The following FMN2 variants were observed in gnomAD, a reference collection of about 807,000 sequenced individuals.
FMN2 encodes formin 2.
In FMN2, 51 loss-of-function variants were observed where a neutral mutation model predicts 142.3. The observed-to-expected ratio is 0.36, with a 90% confidence interval of 0.29 to 0.45. The LOEUF (loss-of-function observed/expected upper bound fraction) is 0.45. Among genes scored for constraint, FMN2 ranks in the 20% least tolerant of loss-of-function variants. The pLI is 1.00. For synonymous variants in FMN2, 882 were observed against 869.8 expected, an observed-to-expected ratio of 1.01 and a Z score of -0.25; for missense variants, 1,936 against 2,122.8, an observed-to-expected ratio of 0.91 and a Z score of 1.73.
At chr1:240,135,511 C>T (rs1162151193) in intron 2 of FMN2, among the ~76,000 whole-genome samples, 1 of 151,946 alleles carries the variant, frequency 6.6e-6, no homozygotes, top group Non-Finnish European at 1.5e-5. Context: ...AAAAAATTGC[C>T]TCGTATGGGG....
intron 2 of FMN2, chr1:240,145,469 T>C (rs1416514224): frequency 6.6e-6 from 2 of 304,862 alleles, no homozygotes. Flanking sequence ...TCTTTAGTAT[T>C]GTATTTGACA....
intron 8 of FMN2, among the ~76,000 whole-genome samples, chr1:240,308,812 T>G (rs1670501154): frequency 6.6e-6 from 1 of 152,168 alleles, no homozygotes; most frequent in Admixed American, 6.5e-5. Context: ...GGGCTGGGTA[T>G]GGACTGTGAG....
intron 14 of FMN2, among the ~76,000 whole-genome samples, chr1:240,372,952 T>A (rs1291620665): frequency 6.6e-6 from 1 of 152,166 alleles, no homozygotes; most frequent in East Asian, 1.9e-4. Flanking sequence ...TCTGGGAGGC[T>A]GAGGCGGACA....
chr1:240,441,179 G>C lies in FMN2; in HGVS notation c.5060+2969G>C, dbSNP rs367607673. 9.9e-5 allele frequency among the ~76,000 whole-genome samples: 15 copies of C among 152,040 alleles called. No individual in the cohort carries two copies. In the South Asian group the frequency reaches 1.0e-3, roughly 11 times the overall value. On this transcript the variant is annotated intron_variant, in intron 16 of 17. Transcript: ENST00000319653. ...CCGGCTAATTTTTGTATTTTTAGTAGAGATGGGGTTTCACCATGTTGGCCA... is the reference window on the plus strand; with the variant it reads ...CCGGCTAATTTTTGTATTTTTAGTACAGATGGGGTTTCACCATGTTGGCCA...
intron 14 of FMN2, among the ~76,000 whole-genome samples, chr1:240,371,714 C>G (rs1672872150): frequency 6.6e-6 from 1 of 152,134 alleles, no homozygotes; most frequent in Admixed American, 6.5e-5. Flanking sequence ...TATTAATTTT[C>G]TGCTTGACAC....
At chr1:240,213,022 A>G (rs1007257897) in intron 6 of FMN2, among the ~76,000 whole-genome samples, 1 of 152,152 alleles carries the variant, frequency 6.6e-6, no homozygotes, top group African/African-American at 2.4e-5. Context: ...CAGGTTGCCC[A>G]AGACTGTAGG....
intron 4 of FMN2, among the ~76,000 whole-genome samples, chr1:240,196,428 T>TA (rs1413135733): frequency 6.6e-6 from 1 of 152,142 alleles, no homozygotes; most frequent in Non-Finnish European, 1.5e-5. Context: ...GCTGGTTAGA[T>TA]ATGCAGATTC....
rs186652662 is a variant in FMN2, at chr1:240,325,809, G to T, written c.4216-3267G>T. On this transcript the variant is annotated intron_variant, in intron 8 of 17. Coordinates refer to ENST00000319653, the MANE Select transcript of FMN2 (RefSeq NM_020066.5). ...AGGGCCCCAAGCACAGTGTTAAAGT[G>T]CTGGCTAGTGTTTCTGAGCACAAGA... Among the ~76,000 whole-genome samples the T allele has an allele frequency of 5.5e-3, 833 of 152,318 alleles. 6 individuals are homozygous for T. The highest frequency in any genetic ancestry group is 0.01 in the Middle Eastern group (3 of 294).
chr1:240,363,109 CTG>C (rs936806602), intron 14 of FMN2, among the ~76,000 whole-genome samples: 81 of 152,306 alleles, frequency 5.3e-4, no homozygotes, highest in African/African-American at 1.8e-3. Flanking sequence ...TGGCTGTTGA[CTG>C]TGCCAAAGAC....
In FMN2 at chr1:240,116,979, G is replaced by GT. The variant is rs1352215374; in HGVS notation, c.1616-6190dup. Among the ~76,000 whole-genome samples the GT allele has an allele frequency of 5.1e-4, 76 of 149,300 alleles. No homozygotes were observed. The South Asian group carries it at 5.5e-3, about 11-fold the overall frequency. On this transcript the variant is annotated intron_variant, in intron 1 of 17. Transcript: ENST00000319653. Reference sequence around the variant, plus strand: ...GCTCAAGGGAGGATTTGTTCTTTCGGTTTTTTTTTTAAAGCATGTTTGTGT... The same window carrying GT: ...GCTCAAGGGAGGATTTGTTCTTTCGGTTTTTTTTTTTAAAGCATGTTTGTGT...
chr1:240,269,449 T>C (rs1352472364), intron 7 of FMN2, among the ~76,000 whole-genome samples: 1 of 152,092 alleles, frequency 6.6e-6, no homozygotes, highest in African/African-American at 2.4e-5. Flanking sequence ...TACTATAGCT[T>C]TGTAATATAT....
At chr1:240,316,632 G>T (rs1335984502) in intron 8 of FMN2, among the ~76,000 whole-genome samples, 1 of 152,106 alleles carries the variant, frequency 6.6e-6, no homozygotes, top group Non-Finnish European at 1.5e-5. Context: ...CTTCTTTCTT[G>T]GGTATTTGGA....
intron 15 of FMN2, among the ~76,000 whole-genome samples, chr1:240,400,409 A>T (rs574699646): frequency 1.3e-5 from 2 of 152,336 alleles, no homozygotes; most frequent in East Asian, 3.9e-4. Context: ...GCTAAAAAAT[A>T]AAATCACCTA....
At chr1:240,146,840 C>T (rs1274862104) in intron 2 of FMN2, among the ~76,000 whole-genome samples, 1 of 151,950 alleles carries the variant, frequency 6.6e-6, no homozygotes, top group African/African-American at 2.4e-5. Flanking sequence ...CATTATTGTA[C>T]CATTTCACTT....
At chr1:240,433,441 G>A (rs1458060643) in intron 15 of FMN2, among the ~76,000 whole-genome samples, 4 of 152,178 alleles carry the variant, frequency 2.6e-5, no homozygotes, top group Non-Finnish European at 5.9e-5. Context: ...ACAATGATAA[G>A]TGCATTTTAC....
chr1:240,135,459 G>A (rs1041762941), intron 2 of FMN2, among the ~76,000 whole-genome samples: 1 of 151,920 alleles, frequency 6.6e-6, no homozygotes, highest in African/African-American at 2.4e-5. Context: ...GTTCCTACTC[G>A]ATTTCTTTCT....
chr1:240,176,151 T>C (rs1359853609), intron 2 of FMN2, among the ~76,000 whole-genome samples: 2 of 152,216 alleles, frequency 1.3e-5, no homozygotes. Flanking sequence ...ACCAAGTTTT[T>C]CCTGTATGTT....
intron 3 of FMN2, among the ~76,000 whole-genome samples, chr1:240,187,986 T>C (rs1159972584): frequency 2.0e-5 from 3 of 152,200 alleles, no homozygotes; most frequent in Non-Finnish European, 4.4e-5. Context: ...CATAGGAATA[T>C]CCCAATTTTT....
intron 1 of FMN2, among the ~76,000 whole-genome samples, chr1:240,122,148 C>T (rs964690294): frequency 1.3e-5 from 2 of 151,796 alleles, no homozygotes; most frequent in African/African-American, 4.8e-5. Flanking sequence ...AGTGCAATGG[C>T]GTGATCGCGG....
Sources: allele counts gnomAD v4.1 joint callset (sites outside exome capture counted in the v4.1 genomes callset), GRCh38; gene constraint gnomAD v4.1.1; transcripts MANE v1.5; gene names NCBI Gene and HGNC (gene_info 2026-07-23, HGNC 2026-07-21).